The following ANO3 variants were observed in gnomAD, a reference collection of about 807,000 sequenced individuals.
ANO3 encodes the protein anoctamin-3.
ANO3 carries 99 observed loss-of-function variants against 144.8 expected under a neutral mutation model. The ratio of observed to expected loss-of-function variants is 0.68; its 90% CI spans 0.58 to 0.81. ANO3 has a LOEUF of 0.81. Among genes scored for constraint, ANO3 ranks in the 30% least tolerant of loss-of-function variants. The pLI, the probability that ANO3 is intolerant of heterozygous loss-of-function variation, is 0.00. For missense variants in ANO3, 905 were observed against 1,202.2 expected (o/e 0.75, Z 3.66); for synonymous variants, 414 against 392.6 (o/e 1.05, Z -0.64).
At chr11:26,451,419 C>A (rs189815941) in intron 3 of ANO3, among the ~76,000 whole-genome samples, 1 of 152,230 alleles carries the variant, frequency 6.6e-6, no homozygotes, top group South Asian at 2.1e-4. Flanking sequence ...AAAAACGGCA[C>A]ACCAGGAGAT....
intron 1 of ANO3, among the ~76,000 whole-genome samples, chr11:26,243,441 GA>G (rs1852706570): frequency 6.7e-6 from 1 of 150,030 alleles, no homozygotes; most frequent in South Asian, 2.1e-4. Flanking sequence ...GATTTACAAA[GA>G]GCAAAAGAGA....
chr11:26,610,664 C>T (rs999710642), intron 17 of ANO3, among the ~76,000 whole-genome samples: 1 of 152,104 alleles, frequency 6.6e-6, no homozygotes, highest in African/African-American at 2.4e-5. Context: ...TTAGGTTTTA[C>T]AGTTGAGTCT....
At chr11:26,285,069 C>T (rs147662915) in intron 1 of ANO3, among the ~76,000 whole-genome samples, 16 of 152,120 alleles carry the variant, frequency 1.1e-4, no homozygotes, top group African/African-American at 3.1e-4. Flanking sequence ...GGGGGAGCTA[C>T]CACTATGTGG....
intron 14 of ANO3, chr11:26,559,993 C>A (rs191589382): frequency 4.2e-5 from 17 of 407,638 alleles, no homozygotes; most frequent in Non-Finnish European, 4.4e-6. Context: ...TCTCTAAAAC[C>A]TAGACTTTCC....
At chr11:26,624,406 C>A (rs1460747658) in intron 17 of ANO3, 56 bp from the exon 18 acceptor site, 2 of 1,272,992 alleles carry the variant, frequency 1.6e-6, no homozygotes, top group South Asian at 1.2e-5. Context: ...AGTGTAAATA[C>A]CAGCCTTTTC....
intron 17 of ANO3, among the ~76,000 whole-genome samples, chr11:26,608,619 T>C (rs1310040262): frequency 1.3e-5 from 2 of 151,860 alleles, no homozygotes; most frequent in African/African-American, 2.4e-5. Context: ...GAGATTAGAG[T>C]TCTGTCCCTG....
intron 1 of ANO3, among the ~76,000 whole-genome samples, chr11:26,229,494 C>T (rs1342579962): frequency 1.3e-5 from 2 of 152,174 alleles, no homozygotes; most frequent in African/African-American, 2.4e-5. Context: ...GATGGAACTT[C>T]GCCAATGACA....
intron 14 of ANO3, 50 bp downstream of exon 14, chr11:26,559,829 CTG>C: frequency 1.0e-6 from 1 of 992,744 alleles, no homozygotes; most frequent in Non-Finnish European, 1.6e-6. Context: ...GAAGCTGTTT[CTG>C]TGTTACACAC....
intron 1 of ANO3, among the ~76,000 whole-genome samples, chr11:26,296,183 A>C (rs566347986): frequency 1.3e-5 from 2 of 152,348 alleles, no homozygotes; most frequent in Admixed American, 6.5e-5. Context: ...GCACTGATTT[A>C]TATATGAAAA....
chr11:26,293,564 T>TATAC (rs1854015675), intron 1 of ANO3, among the ~76,000 whole-genome samples: 3 of 140,384 alleles, frequency 2.1e-5, no homozygotes, highest in Non-Finnish European at 3.1e-5. Flanking sequence ...TATATATATA[T>TATAC]ATATATATAT....
At chr11:26,568,270 C>A (rs543621851) in intron 14 of ANO3, among the ~76,000 whole-genome samples, 40 of 152,136 alleles carry the variant, frequency 2.6e-4, no homozygotes, top group African/African-American at 7.5e-4. Flanking sequence ...TTATTAATCC[C>A]ACTTTACAGA....
chr11:26,276,526 T>A (rs541731237), intron 1 of ANO3, among the ~76,000 whole-genome samples: 1 of 152,266 alleles, frequency 6.6e-6, no homozygotes, highest in East Asian at 1.9e-4. Flanking sequence ...GGTGTTCAAA[T>A]AGGGATCCGT....
chr11:26,501,554 T>C (rs566085543), intron 4 of ANO3, among the ~76,000 whole-genome samples: 1 of 152,068 alleles, frequency 6.6e-6, no homozygotes. Context: ...CAAAACAACA[T>C]TTTAAGCATA....
intron 17 of ANO3, among the ~76,000 whole-genome samples, chr11:26,622,920 G>T (rs1185016727): frequency 6.6e-6 from 1 of 152,238 alleles, no homozygotes; most frequent in African/African-American, 2.4e-5. Flanking sequence ...TAGAGGCATA[G>T]TGGGTGCTCA....
chr11:26,303,320 A>T (rs943519549), intron 1 of ANO3, among the ~76,000 whole-genome samples: 5 of 150,550 alleles, frequency 3.3e-5, no homozygotes, highest in Non-Finnish European at 3.0e-5. Context: ...GGACTGATTT[A>T]AAAAAAAAAT....
intron 4 of ANO3, among the ~76,000 whole-genome samples, chr11:26,492,357 A>G (rs1362233917): frequency 2.6e-5 from 4 of 152,122 alleles, no homozygotes; most frequent in African/African-American, 9.7e-5. Flanking sequence ...TCCTAATCCT[A>G]TGGGTCATTC....
intron 12 of ANO3, among the ~76,000 whole-genome samples, chr11:26,550,092 A>G (rs1441858210): frequency 6.6e-6 from 1 of 151,848 alleles, no homozygotes; most frequent in African/African-American, 2.4e-5. Context: ...TTGTCAGGCA[A>G]TATATCTAGT....
chr11:26,289,985 G>C (rs538445831), intron 1 of ANO3, among the ~76,000 whole-genome samples: 1 of 151,852 alleles, frequency 6.6e-6, no homozygotes, highest in African/African-American at 2.4e-5. Flanking sequence ...GGAAGAAATG[G>C]TATCAGCTCC....
rs560237170 is a variant in ANO3, at chr11:26,285,283, T to C, written c.155-24362T>C. On this transcript the variant is annotated intron_variant, in intron 1 of 27. Coordinates refer to the ANO3 transcript ENST00000672621. ...ATAAAGAAACTCATAATTTGCATAA[T>C]GGCAACAAAGCATCTAAATTAAACT... Among the ~76,000 whole-genome samples, 15 of 152,248 alleles carry C rather than the reference T, an allele frequency of 9.9e-5. 1 individual carries two copies. The South Asian group carries it at 1.0e-3, about 11-fold the overall frequency.
Sources: allele counts gnomAD v4.1 joint callset (sites outside exome capture counted in the v4.1 genomes callset), GRCh38; gene constraint gnomAD v4.1.1; transcripts MANE v1.5; gene names NCBI Gene and HGNC (gene_info 2026-07-23, HGNC 2026-07-21).